TMEM59L: variants seen among roughly 807,000 people sequenced by gnomAD.
TMEM59L encodes transmembrane protein 59-like.
A neutral mutation model predicts 39.6 loss-of-function variants in TMEM59L; 31 were observed. That is an observed-to-expected ratio of 0.78 (90% CI 0.59 to 1.06). TMEM59L has a LOEUF of 1.06. Among genes scored for constraint, TMEM59L ranks in the 50% least tolerant of loss-of-function variants. The pLI is 0.00. For synonymous variants in TMEM59L, 219 were observed against 202.9 expected, an observed-to-expected ratio of 1.08 and a Z score of -0.68; for missense variants, 441 against 451.3, an observed-to-expected ratio of 0.98 and a Z score of 0.21.
chr19:18,620,460 TGTAC>T lies in TMEM59L; in HGVS notation c.954_957del (p.Tyr319ArgfsTer16). ...TTCATGATGGAGCCCGATTGGCCCC[TGTAC>T]CCGCCGCCGTCCCACGCCTGTGAGG... On this transcript the variant is annotated frameshift_variant, in exon 8 of 8. Transcript: ENST00000262817. LOFTEE classifies it high-confidence loss of function. The T allele has an allele frequency of 6.2e-7, 1 of 1,613,644 alleles. No individual in the cohort carries two copies. The highest frequency in any genetic ancestry group is 8.5e-7 in the Non-Finnish European group (1 of 1,179,944).
At chr19:18,615,879 A>T (rs1020834049) in intron 3 of TMEM59L, 96 bp from the exon 4 acceptor site, 1 of 1,478,010 alleles carries the variant, frequency 6.8e-7, no homozygotes, top group Non-Finnish European at 9.2e-7. Flanking sequence ...AAGTGTTGGG[A>T]TTACAGGCGT....
intron 4 of TMEM59L, among the ~76,000 whole-genome samples, chr19:18,616,404 T>G (rs1413987116): frequency 6.6e-6 from 1 of 151,938 alleles, no homozygotes; most frequent in Non-Finnish European, 1.5e-5. Context: ...TTGTTGTTGT[T>G]GTTTTGAGAT....
At position 18,620,687 on chromosome 19, in the gene TMEM59L, G is replaced by A. The variant is rs576800539; in HGVS notation, c.*151G>A. On this transcript the variant is annotated 3_prime_UTR_variant, in exon 8 of 8. Coordinates refer to ENST00000262817, the MANE Select transcript of TMEM59L (RefSeq NM_012109.3). ...CTCCCAGTCCCACCCCTTGCCCCAC[G>A]GAGTCCTGGGGACGCAGTGCCCCAG... The A allele has an allele frequency of 3.8e-5, 45 of 1,183,074 alleles. No individual in the cohort carries two copies. Among genetic ancestry groups the A allele is most frequent in the Admixed American group, 3.3e-4 (11 of 33,106 alleles). The allele number at this position is 1,183,074 out of a possible 1,614,324, so 73.3% of individuals were successfully genotyped here.
chr19:18,617,313 T>C (rs528577878), intron 5 of TMEM59L: 5 of 654,534 alleles, frequency 7.6e-6, no homozygotes, highest in Non-Finnish European at 1.4e-5. Flanking sequence ...TTCCGTGGTC[T>C]ACTTCCCAGG....
Position 18,616,051 on chromosome 19 carries a change from A to C in TMEM59L, c.485A>C (p.Asn162Thr). The change falls in exon 4 of 8, where the codon AAC becomes ACC. Residue 162 changes from asparagine to threonine, a missense_variant. Physicochemically the swap from Asn to Thr is moderately conservative, Grantham distance 65. Coordinates refer to ENST00000262817, the MANE Select transcript of TMEM59L (RefSeq NM_012109.3). Reference sequence around the variant, plus strand: ...TCCACCCTCTGCAATGACCTTGTCAACTCAGCCCAGGGATTTGTCTCCTCC... The same window carrying C: ...TCCACCCTCTGCAATGACCTTGTCACCTCAGCCCAGGGATTTGTCTCCTCC... ...LFSTLCNDLV[N>T]SAQGFVSSTW... is the part of the protein sequence containing the mutation. 1 of 1,614,088 alleles carries C rather than the reference A, an allele frequency of 6.2e-7. No homozygotes were observed. The highest frequency in any genetic ancestry group is 1.7e-4 in the Middle Eastern group (1 of 6,054).
chr19:18,615,232 G>A (rs771501217), intron 3 of TMEM59L, among the ~76,000 whole-genome samples: 2 of 151,998 alleles, frequency 1.3e-5, no homozygotes, highest in South Asian at 2.1e-4. Flanking sequence ...ATCTTCCCAC[G>A]TCGGCCTCCC....
Position 18,620,551 on chromosome 19 carries a change from C to T in TMEM59L, c.*15C>T, listed in dbSNP as rs1254672405. On this transcript the variant is annotated 3_prime_UTR_variant, in exon 8 of 8. Coordinates refer to ENST00000262817, the MANE Select transcript of TMEM59L (RefSeq NM_012109.3). ...CCAAGCTGTAGGCCTCCACTGGCCC[C>T]ATCACTGCCAACTGCAGGGGGCCCC... 1.2e-6 allele frequency: 2 copies of T among 1,611,336 alleles called. No homozygotes were observed. Among genetic ancestry groups the T allele is most frequent in the Admixed American group, 1.7e-5 (1 of 59,850 alleles).
intron 1 of TMEM59L, among the ~76,000 whole-genome samples, 158 bp from the exon 2 acceptor site, chr19:18,613,714 C>T (rs934274506): frequency 6.6e-6 from 1 of 152,086 alleles, no homozygotes; most frequent in Non-Finnish European, 1.5e-5. Flanking sequence ...GCTAAGAGCC[C>T]CCACTAATAT....
chr19:18,618,671 GTGTATATA>G (rs1976460078), intron 7 of TMEM59L, among the ~76,000 whole-genome samples, 179 bp downstream of exon 7: 2 of 39,992 alleles, frequency 5.0e-5, no homozygotes, highest in East Asian at 1.4e-3. Context: ...GTGTGTGTGT[GTGTATATA>G]TATATATATA....
rs753347572 is a variant in TMEM59L at position 18,613,096 on chromosome 19, C to T, written c.138C>T (p.Cys46=). 3.8e-6 allele frequency: 5 copies of T among 1,320,314 alleles called. No homozygotes were observed. The highest frequency in any genetic ancestry group is 2.1e-5 in the South Asian group (1 of 47,746). The allele number at this position is 1,320,314 out of a possible 1,614,324, so 81.8% of individuals were successfully genotyped here. Residue 46 remains cysteine, a synonymous_variant, in exon 1 of 8, where the codon TGC becomes TGT. Coordinates refer to ENST00000262817, the MANE Select transcript of TMEM59L (RefSeq NM_012109.3). ...ACACGCAGAACTGCCAGCTGCGGTGCCGCGACCGCGACCTCGGCCCGCAGC... is the reference window on the plus strand; with the variant it reads ...ACACGCAGAACTGCCAGCTGCGGTGTCGCGACCGCGACCTCGGCCCGCAGC... The part of the protein sequence containing the change: ...LGDTQNCQLR[C]RDRDLGPQPS...
At chr19:18,617,954 G>A (rs1976449632) in intron 5 of TMEM59L, 1 of 611,634 alleles carries the variant, frequency 1.6e-6, no homozygotes, top group Admixed American at 2.9e-5. Flanking sequence ...TTCACCCCCA[G>A]GGTTGCATGG....
chr19:18,620,481 C>A lies in TMEM59L; in HGVS notation c.974C>A (p.Ala325Asp). The change falls in exon 8 of 8, where the codon GCC becomes GAC. Residue 325 changes from alanine to aspartate, a missense_variant. By Grantham distance (126) the Ala-to-Asp change is moderately radical (BLOSUM62 -2). Coordinates refer to ENST00000262817, the MANE Select transcript of TMEM59L (RefSeq NM_012109.3). ...DWPLYPPPSH[A>D]CEDSLPPYKL... is the part of the protein sequence containing the mutation. ...CCCCTGTACCCGCCGCCGTCCCACGCCTGTGAGGACAGCCTACCACCCTAC... is the reference window on the plus strand; with the variant it reads ...CCCCTGTACCCGCCGCCGTCCCACGACTGTGAGGACAGCCTACCACCCTAC... 6.2e-7 allele frequency: 1 copy of A among 1,613,846 alleles called. No homozygotes were observed. The highest frequency in any genetic ancestry group is 1.1e-5 in the South Asian group (1 of 91,078).
intron 5 of TMEM59L, chr19:18,617,401 C>T (rs1180745316): frequency 9.6e-6 from 5 of 518,822 alleles, no homozygotes; most frequent in South Asian, 6.2e-5. Flanking sequence ...TTCCGTGGCC[C>T]ACCTCCCGGG....
chr19:18,613,167 C>T (rs1394587244), intron 1 of TMEM59L, 38 bp downstream of exon 1: 1 of 1,249,148 alleles, frequency 8.0e-7, no homozygotes, highest in Non-Finnish European at 1.0e-6. Context: ...GCGGGGGACG[C>T]GGGATCTCTC....
Position 18,618,209 on chromosome 19 carries a change from G to C in TMEM59L, c.719G>C (p.Ser240Thr), listed in dbSNP as rs777551956. 1.2e-6 allele frequency: 2 copies of C among 1,609,634 alleles called. No individual in the cohort carries two copies. The highest frequency in any genetic ancestry group is 1.7e-6 in the Non-Finnish European group (2 of 1,177,742). The change falls in exon 6 of 8, where the codon AGC becomes ACC. Residue 240 changes from serine to threonine, a missense_variant. By Grantham distance (58) the Ser-to-Thr change is moderately conservative. Coordinates refer to ENST00000262817, the MANE Select transcript of TMEM59L (RefSeq NM_012109.3). The stretch of plus-strand genomic sequence containing the variant: ...AAGGCCAAGATCCGAGTCAAGACCA[G>C]CAGCAAGGCCAAGGTGGAGTCTGAA... The part of the protein sequence containing the change: ...VRKAKIRVKT[S>T]SKAKVESEEP...
chr19:18,613,755 G>A, intron 1 of TMEM59L, 117 bp from the exon 2 acceptor site: 2 of 760,924 alleles, frequency 2.6e-6, no homozygotes, highest in East Asian at 5.2e-5. Context: ...ATCTCCATCT[G>A]GCTAGATGTC....
At chr19:18,613,262 G>A (rs1343453732) in intron 1 of TMEM59L, 133 bp downstream of exon 1, 1 of 873,610 alleles carries the variant, frequency 1.1e-6, no homozygotes, top group African/African-American at 1.8e-5. Flanking sequence ...TGGGGGTCGG[G>A]AATGGGGAGA....
At position 18,613,885 on chromosome 19, in the gene TMEM59L, G is replaced by T. The variant is rs117674834; in HGVS notation, c.185G>T (p.Gly62Val). ...CCCCTCCCCCAGGCGGGGCTGGAGG[G>T]CGCCTCCGAGTCTCCCTATGACAGA... ...GPQPSQAGLE[G>V]ASESPYDRAV... The change falls in exon 2 of 8, where the codon GGC becomes GTC. Residue 62 changes from glycine (G) to valine (V), a missense_variant. Coordinates refer to ENST00000262817, the MANE Select transcript of TMEM59L (RefSeq NM_012109.3). 6.2e-7 allele frequency: 1 copy of T among 1,611,616 alleles called. No individual in the cohort carries two copies. The highest frequency in any genetic ancestry group is 1.1e-5 in the South Asian group (1 of 91,060).
intron 3 of TMEM59L, 121 bp from the exon 4 acceptor site, chr19:18,615,854 T>C: frequency 7.8e-7 from 1 of 1,274,142 alleles, no homozygotes; most frequent in Non-Finnish European, 1.1e-6. Context: ...GTGATCGGCC[T>C]GCCTCAGCCT....
Sources: allele counts gnomAD v4.1 joint callset (sites outside exome capture counted in the v4.1 genomes callset), GRCh38; gene constraint gnomAD v4.1.1; transcripts MANE v1.5; gene names NCBI Gene and HGNC (gene_info 2026-07-23, HGNC 2026-07-21).